Variants in DEF6 observed in about 807,000 individuals in gnomAD.
DEF6 encodes DEF6 guanine nucleotide exchange factor.
In DEF6, 32 loss-of-function variants were observed where a neutral mutation model predicts 80.5. The ratio of observed to expected loss-of-function variants is 0.40; its 90% confidence interval spans 0.30 to 0.53. The LOEUF (loss-of-function observed/expected upper bound fraction) is 0.53. Ranked by LOEUF, DEF6 falls within the 20% of genes least tolerant of loss-of-function variation. DEF6 has a pLI of 0.57. For synonymous variants in DEF6, 300 were observed against 337.9 expected (o/e 0.89, Z 1.23); for missense variants, 575 against 818.7 (o/e 0.70, Z 3.63).
Position 35,318,516 on chromosome 6 carries a change from A to C in DEF6, c.1215+45A>C. On this transcript the variant is annotated intron_variant, in intron 7 of 10. Transcript: ENST00000316637. The surrounding 1 kb of genome is among the most constrained non-coding windows in gnomAD (Gnocchi z 5.1). ...CCGGGGACGGGACCGGTGGGCTGGGAGGCTGGCCAGGGGCGGAGCGCCGGG... is the reference window on the plus strand; with the variant it reads ...CCGGGGACGGGACCGGTGGGCTGGGCGGCTGGCCAGGGGCGGAGCGCCGGG... 1 of 1,357,770 alleles carries C rather than the reference A, an allele frequency of 7.4e-7. No individual in the cohort carries two copies. The highest frequency in any genetic ancestry group is 1.5e-5 in the African/African-American group (1 of 64,808). The allele number at this position is 1,357,770 out of a possible 1,614,324, so 84.1% of individuals were successfully genotyped here.
At position 35,312,845 on chromosome 6, in the gene DEF6, G is replaced by T; in HGVS notation, c.807+73G>T. 1 of 1,497,038 alleles carries T rather than the reference G, an allele frequency of 6.7e-7. No individual in the cohort carries two copies. Among genetic ancestry groups the T allele is most frequent in the Non-Finnish European group, 9.1e-7 (1 of 1,101,738 alleles). 92.7% of individuals were successfully genotyped at this position (1,497,038 alleles called of 1,614,324 possible). A position where few individuals can be genotyped will look rare whatever the true frequency, so the allele number is the denominator to read the frequency against. On this transcript the variant is annotated intron_variant, in intron 5 of 10. Transcript: ENST00000316637. The surrounding 1 kb of genome is among the most constrained non-coding windows in gnomAD (Gnocchi z 6.6). ...CTCAGGGGCATGAGAAGACAAGGGG[G>T]TCAGGAGAGGGGCAAATGGAGAAAA...
In DEF6 at chr6:35,312,296, C is replaced by T; in HGVS notation, c.424-6C>T. ...CAGCTACCAGGCCTTCCTTCTCCTG[C>T]TCCAGGTGGAATACCTGCTGAAAAA... On this transcript the variant is annotated splice_polypyrimidine_tract_variant and splice_region_variant and intron_variant, in intron 3 of 10. Transcript: ENST00000316637. The surrounding 1 kb of genome is among the most constrained non-coding windows in gnomAD (Gnocchi z 6.6). The T allele has an allele frequency of 6.2e-7, 1 of 1,612,566 alleles. No homozygotes were observed. The highest frequency in any genetic ancestry group is 8.5e-7 in the Non-Finnish European group (1 of 1,178,960).
rs1360484571 is a variant in DEF6 at position 35,320,874 on chromosome 6, G to A, written c.1582-10G>A. The A allele has an allele frequency of 1.2e-6, 2 of 1,602,998 alleles. No homozygotes were observed. Among genetic ancestry groups the A allele is most frequent in the Non-Finnish European group, 1.7e-6 (2 of 1,173,930 alleles). On this transcript the variant is annotated splice_polypyrimidine_tract_variant and intron_variant, in intron 9 of 10. Transcript: ENST00000316637. ...GTTCTGATCACTCCCCACTGGCCCT[G>A]TCCCCACAGGCTGCCCAGAGAAAAC...
At position 35,309,779 on chromosome 6, in the gene DEF6, T is replaced by G. The variant is rs1354339962; in HGVS notation, c.206T>G (p.Met69Arg). 1.2e-6 allele frequency: 2 copies of G among 1,614,092 alleles called. No individual in the cohort carries two copies. The highest frequency in any genetic ancestry group is 1.7e-6 in the Non-Finnish European group (2 of 1,180,012). ...DDGPVSSQGYMPYLNKYILDK... is the reference protein window; with the variant it reads ...DDGPVSSQGYRPYLNKYILDK... ...GGCCCTGTGTCCAGCCAGGGATACA[T>G]GCCCTACCTCAACAAGTACATCCTG... Residue 69 changes from methionine to arginine, a missense_variant, in exon 2 of 11, where the codon ATG becomes AGG. Met to Arg is a moderately conservative substitution (Grantham distance 91). Coordinates refer to ENST00000316637, the MANE Select transcript of DEF6 (RefSeq NM_022047.4).
intron 5 of DEF6, among the ~76,000 whole-genome samples, chr6:35,314,620 T>G (rs2150387961): frequency 6.6e-6 from 1 of 152,292 alleles, no homozygotes; most frequent in South Asian, 2.1e-4. Context: ...GATTATTTGG[T>G]TTTTTGTTAC....
At chr6:35,310,005 C>T (rs972171091) in intron 2 of DEF6, among the ~76,000 whole-genome samples, 195 bp downstream of exon 2, 8 of 150,346 alleles carry the variant, frequency 5.3e-5, no homozygotes, top group African/African-American at 2.0e-4. Flanking sequence ...CCTCAATTCA[C>T]CTTCAATGTC....
Position 35,318,242 on chromosome 6 carries a change from G to A in DEF6, c.986G>A (p.Arg329Gln), listed in dbSNP as rs1165268237. 1 of 1,594,184 alleles carries A rather than the reference G, an allele frequency of 6.3e-7. No homozygotes were observed. The highest frequency in any genetic ancestry group is 8.5e-7 in the Non-Finnish European group (1 of 1,171,494). Residue 329 changes from arginine (R) to glutamine (Q), a missense_variant, in exon 7 of 11, where the codon CGG becomes CAG. Arg to Gln is a conservative substitution (Grantham distance 43). Transcript: ENST00000316637. This position sits in a 1 kb window ranked among gnomAD's most constrained non-coding sequence, Gnocchi z 5.1. ...CTACACAAGGACCTGAAGCAGAAAC[G>A]GCGCGAGCAGCGGGAGCAGCGGGAG... ...TSLHKDLKQK[R>Q]REQREQRERR...
Position 35,312,828 on chromosome 6 carries a change from C to T in DEF6, c.807+56C>T. Reference sequence around the variant, plus strand: ...TCAGGGCCCAGAGTGTCCTCAGGGGCATGAGAAGACAAGGGGGTCAGGAGA... The same window carrying T: ...TCAGGGCCCAGAGTGTCCTCAGGGGTATGAGAAGACAAGGGGGTCAGGAGA... On this transcript the variant is annotated intron_variant, in intron 5 of 10. Coordinates refer to ENST00000316637, the MANE Select transcript of DEF6 (RefSeq NM_022047.4). The surrounding 1 kb of genome is among the most constrained non-coding windows in gnomAD (Gnocchi z 6.6). The T allele has an allele frequency of 6.8e-7, 1 of 1,478,576 alleles. No individual in the cohort carries two copies. Among genetic ancestry groups the T allele is most frequent in the South Asian group, 1.2e-5 (1 of 81,932 alleles). 91.6% of individuals were successfully genotyped at this position (1,478,576 alleles called of 1,614,324 possible).
At chr6:35,301,263 G>A (rs989146663) in intron 1 of DEF6, among the ~76,000 whole-genome samples, 1 of 152,180 alleles carries the variant, frequency 6.6e-6, no homozygotes, top group Non-Finnish European at 1.5e-5. Flanking sequence ...CATTAGCTTT[G>A]TCCTGACCCC....
Position 35,317,926 on chromosome 6 carries a change from C to G in DEF6, c.843C>G (p.Phe281Leu). ...ACCGCGACGGAAAGCGCTGCATGTT[C>G]TGTGTGAAGACAGCCAACCGCACGT... ...LPDRDGKRCM[F>L]CVKTANRTYE... The change falls in exon 6 of 11, where the codon TTC (phenylalanine) becomes TTG (leucine). Residue 281 changes from phenylalanine (F) to leucine (L), a missense_variant. Phe to Leu is a conservative substitution (Grantham distance 22). Coordinates refer to ENST00000316637, the MANE Select transcript of DEF6 (RefSeq NM_022047.4). 1 of 1,613,982 alleles carries G rather than the reference C, an allele frequency of 6.2e-7. No homozygotes were observed.
intron 1 of DEF6, among the ~76,000 whole-genome samples, chr6:35,306,240 G>A (rs1260696568): frequency 6.6e-6 from 1 of 150,554 alleles, no homozygotes; most frequent in African/African-American, 2.4e-5. Context: ...GCCGGGCGCG[G>A]TGGCTCATGC....
chr6:35,318,339 G>T lies in DEF6; in HGVS notation c.1083G>T (p.Leu361=), dbSNP rs1042246375. The T allele has an allele frequency of 3.2e-6, 5 of 1,544,678 alleles. No homozygotes were observed. The African/African-American group carries it at 6.9e-5, about 21-fold the overall frequency. ...QQLQEEKERK[L]QELELLQEAQ... is the part of the protein sequence containing the mutation. Reference sequence around the variant, plus strand: ...TGCAGGAGGAGAAGGAGCGGAAGCTGCAGGAGCTGGAGCTGCTGCAGGAGG... The same window carrying T: ...TGCAGGAGGAGAAGGAGCGGAAGCTTCAGGAGCTGGAGCTGCTGCAGGAGG... Residue 361 remains leucine (L), a synonymous_variant, in exon 7 of 11, where the codon CTG becomes CTT. Transcript: ENST00000316637. The surrounding 1 kb of genome is among the most constrained non-coding windows in gnomAD (Gnocchi z 5.1).
chr6:35,321,731 GTGGAAGCACAT>G lies in DEF6; in HGVS notation c.*323_*333del, dbSNP rs1791597166. ...CCTGCCCCCAGGTGGCCACCAAGTT[GTGGAAGCACAT>G]TTCTAAATAAAAACTGCTCTTAGAA... On this transcript the variant is annotated 3_prime_UTR_variant, in exon 11 of 11. Transcript: ENST00000316637. 3.9e-6 allele frequency: 1 copy of G among 258,148 alleles called. No individual in the cohort carries two copies. The highest frequency in any genetic ancestry group is 5.0e-5 in the Admixed American group (1 of 19,942). The allele number at this position is 258,148 out of a possible 1,614,324, so 16.0% of individuals were successfully genotyped here.
Position 35,319,457 on chromosome 6 carries a change from C to T in DEF6, c.1216-67C>T, listed in dbSNP as rs2150389168. ...AGGCAGCTTAGCAACATGCCCACCC[C>T]CTCCTCCTCCGCCCCCACGTGCCCC... On this transcript the variant is annotated intron_variant, in intron 7 of 10. Transcript: ENST00000316637. The surrounding 1 kb of genome is among the most constrained non-coding windows in gnomAD (Gnocchi z 4.5). 7 of 1,251,788 alleles carry T rather than the reference C, an allele frequency of 5.6e-6. No individual in the cohort carries two copies. The highest frequency in any genetic ancestry group is 2.4e-5 in the East Asian group (1 of 41,362). The allele number at this position is 1,251,788 out of a possible 1,614,324, so 77.5% of individuals were successfully genotyped here.
intron 5 of DEF6, among the ~76,000 whole-genome samples, chr6:35,314,673 C>T (rs937201566): frequency 1.3e-5 from 2 of 152,116 alleles, no homozygotes; most frequent in African/African-American, 2.4e-5. Context: ...ATTAATCCCT[C>T]GTCAGATTGA....
chr6:35,309,961 C>T (rs1331495980), intron 2 of DEF6, 151 bp downstream of exon 2: 8 of 899,374 alleles, frequency 8.9e-6, no homozygotes, highest in Non-Finnish European at 1.3e-5. Flanking sequence ...CATCACGTCC[C>T]TCACATCCCA....
Position 35,315,847 on chromosome 6 carries a change from C to CTTTTT in DEF6, c.808-2026_808-2022dup, listed in dbSNP as rs1159503411. 4.8e-3 allele frequency among the ~76,000 whole-genome samples: 547 copies of CTTTTT among 113,828 alleles called. 13 individuals carry two copies. Among genetic ancestry groups the CTTTTT allele is most frequent in the African/African-American group, 0.017 (466 of 26,784 alleles). 74.7% of individuals were successfully genotyped at this position (113,828 alleles called of 152,430 possible). A position where few individuals can be genotyped will look rare whatever the true frequency, so the allele number is the denominator to read the frequency against. On this transcript the variant is annotated intron_variant, in intron 5 of 10. Transcript: ENST00000316637. ...CTCTAACGGTTTTTTGTTGGAGTCCCTTTTTTTTTTTTTTTTTTTTTTGAG... is the reference window on the plus strand; with the variant it reads ...CTCTAACGGTTTTTTGTTGGAGTCCCTTTTTTTTTTTTTTTTTTTTTTTTTTTGAG...
chr6:35,301,809 C>T (rs1264562311), intron 1 of DEF6, among the ~76,000 whole-genome samples: 1 of 151,122 alleles, frequency 6.6e-6, no homozygotes, highest in Non-Finnish European at 1.5e-5. Context: ...TCACTGCAAC[C>T]TCCACCTCCC....
At position 35,321,641 on chromosome 6, in the gene DEF6, CT is replaced by C; in HGVS notation, c.*232del. On this transcript the variant is annotated 3_prime_UTR_variant, in exon 11 of 11. Transcript: ENST00000316637. ...GATGTTGATCCTTGAGAACTTGGCC[CT>C]GTGCTTTAGACCCAAGGACCCGATT... 4.5e-6 allele frequency: 2 copies of C among 441,680 alleles called. No homozygotes were observed. Among genetic ancestry groups the C allele is most frequent in the Non-Finnish European group, 8.0e-6 (2 of 250,026 alleles). The allele number at this position is 441,680 out of a possible 1,614,324, so 27.4% of individuals were successfully genotyped here.
Sources: gnomAD v4.1 joint callset for allele counts (sites outside exome capture counted in the v4.1 genomes callset) on GRCh38, gnomAD v4.1.1 for gene constraint, Gnocchi (gnomAD v3.1) non-coding constraint, MANE v1.5 for transcripts, NCBI Gene and HGNC (gene_info 2026-07-23, HGNC 2026-07-21) for gene names.